Variants in LRBA observed in about 807,000 individuals in gnomAD.
LRBA encodes lipopolysaccharide-responsive and beige-like anchor protein.
LRBA carries 176 observed loss-of-function variants against 330.0 expected under a neutral mutation model. The ratio of observed to expected loss-of-function variants is 0.53; its 90% CI spans 0.47 to 0.60. The LOEUF is 0.60. Ranked by LOEUF, LRBA falls within the 20% of genes least tolerant of loss-of-function variation. The pLI, the probability that LRBA is intolerant of heterozygous loss-of-function variation, is 0.00. For missense variants in LRBA, 3,259 were observed against 3,444.8 expected (o/e 0.95, Z 1.35); for synonymous variants, 1,230 against 1,193.0 (o/e 1.03, Z -0.64).
intron 37 of LRBA, among the ~76,000 whole-genome samples, chr4:150,668,301 T>C (rs1161732634): frequency 6.6e-6 from 1 of 152,186 alleles, no homozygotes; most frequent in African/African-American, 2.4e-5. Flanking sequence ...TTCCCTAGGC[T>C]GACTTAAGAC....
At chr4:150,538,259 C>T (rs564665832) in intron 40 of LRBA, among the ~76,000 whole-genome samples, 3 of 152,082 alleles carry the variant, frequency 2.0e-5, no homozygotes, top group Non-Finnish European at 4.4e-5. Flanking sequence ...ACAGAACTAC[C>T]ATTTGACCCA....
rs754058322 is a variant in LRBA at position 150,588,112 on chromosome 4, G to T, written c.6266C>A (p.Thr2089Asn). Reference protein sequence around the residue: ...SVVVKGTLSVTSSELYFEVDE... With the variant: ...SVVVKGTLSVNSSELYFEVDE... The stretch of plus-strand genomic sequence containing the variant: ...CACCTCAAAATAGAGTTCGGAGGAG[G>T]TGACAGAAAGAGTGCCCTTTACTAC... The change falls in exon 40 of 57, where the codon ACC becomes AAC. Residue 2089 changes from threonine to asparagine, a missense_variant. Transcript: ENST00000651943. 1 of 1,612,610 alleles carries T rather than the reference G, an allele frequency of 6.2e-7. No individual in the cohort carries two copies. Among genetic ancestry groups the T allele is most frequent in the Non-Finnish European group, 8.5e-7 (1 of 1,179,320 alleles).
chr4:150,464,480 G>A (rs1040781126), intron 44 of LRBA, among the ~76,000 whole-genome samples: 9 of 152,146 alleles, frequency 5.9e-5, no homozygotes, highest in African/African-American at 2.2e-4. Flanking sequence ...TTAGACTACA[G>A]AGCTCTACAG....
chr4:150,648,244 C>A (rs1483679681), intron 37 of LRBA, among the ~76,000 whole-genome samples: 2 of 141,940 alleles, frequency 1.4e-5, no homozygotes, highest in African/African-American at 2.6e-5. Context: ...GTGGTCTACA[C>A]AAACAAATAT....
At chr4:150,939,563 A>G (rs1735448500) in intron 2 of LRBA, among the ~76,000 whole-genome samples, 1 of 152,194 alleles carries the variant, frequency 6.6e-6, no homozygotes, top group African/African-American at 2.4e-5. Flanking sequence ...TGTTTCAGCA[A>G]CCTAATTTCT....
intron 40 of LRBA, among the ~76,000 whole-genome samples, chr4:150,520,621 T>A (rs1762825281): frequency 6.6e-6 from 1 of 152,112 alleles, no homozygotes; most frequent in Non-Finnish European, 1.5e-5. Flanking sequence ...AAGAATGAGA[T>A]CATATTCTTT....
chr4:150,677,776 C>T (rs1782681484), intron 37 of LRBA, among the ~76,000 whole-genome samples: 1 of 149,456 alleles, frequency 6.7e-6, no homozygotes, highest in Non-Finnish European at 1.5e-5. Flanking sequence ...TGCATCCAGC[C>T]TAGGTAACAC....
intron 4 of LRBA, among the ~76,000 whole-genome samples, chr4:150,923,810 G>A (rs892333599): frequency 8.9e-4 from 136 of 152,248 alleles, no homozygotes; most frequent in Non-Finnish European, 1.3e-3. Context: ...AACTACAAAT[G>A]AAATCATTGG....
At chr4:150,628,630 A>C (rs1412227908) in intron 37 of LRBA, among the ~76,000 whole-genome samples, 1 of 152,208 alleles carries the variant, frequency 6.6e-6, no homozygotes, top group Non-Finnish European at 1.5e-5. Context: ...TTTCTAAAGG[A>C]AAAATCATCA....
chr4:150,326,781 A>C (rs1733325726), intron 48 of LRBA, among the ~76,000 whole-genome samples: 1 of 152,208 alleles, frequency 6.6e-6, no homozygotes, highest in African/African-American at 2.4e-5. Context: ...ATGCTGGGTG[A>C]GGGGAGAGAA....
chr4:150,583,825 G>A lies in LRBA; in HGVS notation c.6330+4223C>T, dbSNP rs1179962218. 6.2e-7 allele frequency: 1 copy of A among 1,614,190 alleles called. No individual in the cohort carries two copies. Among genetic ancestry groups the A allele is most frequent in the South Asian group, 1.1e-5 (1 of 91,072 alleles). ...GCGGGACCGCCACCTGGAGCTACCCGGCCAGCCGCTCAACAACTACCACAT... is the reference window on the plus strand; with the variant it reads ...GCGGGACCGCCACCTGGAGCTACCCAGCCAGCCGCTCAACAACTACCACAT... On this transcript the variant is annotated intron_variant, in intron 40 of 56. Transcript: ENST00000651943. The surrounding 1 kb of genome is among the most constrained non-coding windows in gnomAD (Gnocchi z 9.8).
chr4:150,669,622 A>G (rs1781871348), intron 37 of LRBA, among the ~76,000 whole-genome samples: 1 of 151,416 alleles, frequency 6.6e-6, no homozygotes, highest in African/African-American at 2.4e-5. Context: ...CTGGAGTGCA[A>G]TGACACGATT....
intron 28 of LRBA, among the ~76,000 whole-genome samples, chr4:150,834,399 A>G (rs1162751637): frequency 6.6e-6 from 1 of 152,210 alleles, no homozygotes; most frequent in African/African-American, 2.4e-5. Context: ...TAATCCATGA[A>G]CTGCAGAATG....
intron 49 of LRBA, among the ~76,000 whole-genome samples, chr4:150,322,887 TAGGC>T (rs1469900209): frequency 1.2e-4 from 19 of 152,078 alleles, no homozygotes; most frequent in African/African-American, 4.6e-4. Flanking sequence ...ACCAGACAAA[TAGGC>T]AGCCTTCGTG....
At chr4:150,935,124 C>T (rs143294692) in intron 2 of LRBA, among the ~76,000 whole-genome samples, 3,304 of 150,700 alleles carry the variant, frequency 0.022, 110 homozygotes, top group African/African-American at 0.076. Flanking sequence ...TGCAGTGAGC[C>T]GAGATTGCCC....
intron 37 of LRBA, among the ~76,000 whole-genome samples, chr4:150,604,404 CA>C (rs5862930): frequency 4.8e-5 from 7 of 146,710 alleles, no homozygotes; most frequent in Non-Finnish European, 6.0e-5. Context: ...AGACTATCTC[CA>C]AAAAAAAAAA....
At chr4:150,836,269 T>A (rs141211333) in intron 28 of LRBA, among the ~76,000 whole-genome samples, 1 of 152,066 alleles carries the variant, frequency 6.6e-6, no homozygotes, top group Non-Finnish European at 1.5e-5. Context: ...TCTCTTTTTT[T>A]GTTGTGTCTC....
intron 17 of LRBA, among the ~76,000 whole-genome samples, chr4:150,889,802 T>C (rs1384819753): frequency 6.6e-6 from 1 of 152,172 alleles, no homozygotes; most frequent in Non-Finnish European, 1.5e-5. Context: ...TCTGTTGTTA[T>C]AGCAGGAAAC....
At chr4:150,941,824 T>G (rs1462344410) in intron 2 of LRBA, among the ~76,000 whole-genome samples, 1 of 151,574 alleles carries the variant, frequency 6.6e-6, no homozygotes, top group Non-Finnish European at 1.5e-5. Flanking sequence ...GAGGCGGAGG[T>G]TGCAGTGAGC....
Sources: allele counts gnomAD v4.1 joint callset (sites outside exome capture counted in the v4.1 genomes callset), GRCh38; gene constraint gnomAD v4.1.1; non-coding constraint Gnocchi (gnomAD v3.1); transcripts MANE v1.5; gene names NCBI Gene and HGNC (gene_info 2026-07-23, HGNC 2026-07-21).